The following CTNNA2 variants were observed in gnomAD, a reference collection of about 807,000 sequenced individuals.
CTNNA2 encodes catenin alpha 2, also known as catenin alpha-2.
In CTNNA2, 42 loss-of-function variants were observed where a neutral mutation model predicts 101.0. That is an observed-to-expected ratio of 0.42 (90% CI 0.32 to 0.54). CTNNA2 has a LOEUF of 0.54. CTNNA2 is among the 20% of genes least tolerant of loss of function. The pLI is 0.14. For missense variants in CTNNA2, 871 were observed against 1,223.1 expected, an observed-to-expected ratio of 0.71 and a Z score of 4.29; for synonymous variants, 450 against 456.4, an observed-to-expected ratio of 0.99 and a Z score of 0.18.
intron 2 of CTNNA2, among the ~76,000 whole-genome samples, chr2:79,309,062 T>C (rs1676309160): frequency 6.6e-6 from 1 of 152,148 alleles, no homozygotes; most frequent in Non-Finnish European, 1.5e-5. Context: ...TTTTGTATTC[T>C]CCAGACTGTT....
chr2:79,339,486 A>G (rs970000888), intron 3 of CTNNA2: 1 of 152,236 alleles, frequency 6.6e-6, no homozygotes, highest in African/African-American at 2.4e-5. Flanking sequence ...GTCAAAGTGA[A>G]TTCTTAAAAT....
chr2:79,654,509 G>A (rs1316949402), intron 2 of CTNNA2, among the ~76,000 whole-genome samples: 1 of 152,104 alleles, frequency 6.6e-6, no homozygotes, highest in Non-Finnish European at 1.5e-5. Context: ...AGCTTAAACT[G>A]TTATATTTCC....
chr2:80,383,856 A>G (rs1192049527), intron 7 of CTNNA2, among the ~76,000 whole-genome samples: 1 of 152,172 alleles, frequency 6.6e-6, no homozygotes, highest in East Asian at 1.9e-4. Context: ...TACCATAAAG[A>G]CACACGTACT....
chr2:80,503,640 A>G (rs1362425024), intron 9 of CTNNA2, among the ~76,000 whole-genome samples: 1 of 152,082 alleles, frequency 6.6e-6, no homozygotes, highest in African/African-American at 2.4e-5. Context: ...ATGGGCCTTT[A>G]TTATGGAGCT....
At chr2:80,518,768 G>C (rs1689296381) in intron 9 of CTNNA2, among the ~76,000 whole-genome samples, 1 of 151,806 alleles carries the variant, frequency 6.6e-6, no homozygotes, top group African/African-American at 2.4e-5. Context: ...GATTCCTGAA[G>C]GAATCTGTAA....
At chr2:79,222,278 T>C (rs941050884) in intron 2 of CTNNA2, among the ~76,000 whole-genome samples, 45 of 152,342 alleles carry the variant, frequency 3.0e-4, no homozygotes, top group Non-Finnish European at 1.3e-4. Flanking sequence ...AATAAACCAC[T>C]ACTGAGGGTC....
At chr2:79,580,099 C>G (rs1676057297) in intron 1 of CTNNA2, among the ~76,000 whole-genome samples, 1 of 152,082 alleles carries the variant, frequency 6.6e-6, no homozygotes, top group Non-Finnish European at 1.5e-5. Context: ...TTGTAGCAAC[C>G]CCATCTCTTG....
intron 1 of CTNNA2, among the ~76,000 whole-genome samples, chr2:79,617,727 G>A (rs1197130638): frequency 6.6e-6 from 1 of 152,048 alleles, no homozygotes; most frequent in Non-Finnish European, 1.5e-5. Context: ...GTAAAATCAT[G>A]AGGCTTTTCC....
intron 5 of CTNNA2, among the ~76,000 whole-genome samples, chr2:79,872,950 C>T (rs1558600091): frequency 1.3e-5 from 2 of 152,202 alleles, no homozygotes; most frequent in African/African-American, 2.4e-5. Flanking sequence ...TTCTTAACAA[C>T]AGCCTTTAAA....
rs563847068 is a variant in CTNNA2 at position 80,187,320 on chromosome 2, G to A, written c.1057-205891G>A. On this transcript the variant is annotated intron_variant, in intron 7 of 18. Coordinates refer to ENST00000402739, the MANE Select transcript of CTNNA2 (RefSeq NM_001282597.3). ...CCAGAAAATGGTGCTAATTTATAAC[G>A]TAGGAGGAGGGAGGTGAAGAAAGAT... Among the ~76,000 whole-genome samples, 18 of 152,306 alleles carry A rather than the reference G, an allele frequency of 1.2e-4. 1 individual carries two copies. The highest frequency in any genetic ancestry group is 7.7e-4 in the East Asian group (4 of 5,182).
intron 7 of CTNNA2, among the ~76,000 whole-genome samples, chr2:79,947,123 G>C (rs1688552086): frequency 6.6e-6 from 1 of 152,124 alleles, no homozygotes; most frequent in Non-Finnish European, 1.5e-5. Flanking sequence ...TACATAAGAA[G>C]AGATAACTTT....
At chr2:79,400,310 C>T (rs983733173) in intron 4 of CTNNA2, among the ~76,000 whole-genome samples, 7 of 151,874 alleles carry the variant, frequency 4.6e-5, no homozygotes, top group Admixed American at 6.6e-5. Flanking sequence ...TAGTAGCTAT[C>T]GTTTTTAGGA....
At chr2:79,269,466 A>AGACCCT (rs1675033470) in intron 2 of CTNNA2, among the ~76,000 whole-genome samples, 1 of 152,154 alleles carries the variant, frequency 6.6e-6, no homozygotes, top group Non-Finnish European at 1.5e-5. Context: ...AGTAAACTGC[A>AGACCCT]GACCCTCCAA....
chr2:79,935,383 T>G, intron 7 of CTNNA2, among the ~76,000 whole-genome samples: 1 of 151,456 alleles, frequency 6.6e-6, no homozygotes, highest in East Asian at 1.9e-4. Flanking sequence ...TATTTGGAAA[T>G]AATTTTAAAT....
chr2:79,833,057 C>T (rs1679046599), intron 3 of CTNNA2, among the ~76,000 whole-genome samples: 1 of 152,156 alleles, frequency 6.6e-6, no homozygotes, highest in South Asian at 2.1e-4. Flanking sequence ...TTAGGAGGCT[C>T]ACCAAATACA....
At chr2:80,321,846 A>G (rs1219375372) in intron 7 of CTNNA2, among the ~76,000 whole-genome samples, 3 of 152,198 alleles carry the variant, frequency 2.0e-5, no homozygotes, top group Non-Finnish European at 4.4e-5. Flanking sequence ...ATTTCTGCTA[A>G]CATGTTTTGC....
chr2:79,447,483 T>C (rs550333854), intron 4 of CTNNA2, among the ~76,000 whole-genome samples: 3 of 151,964 alleles, frequency 2.0e-5, no homozygotes, highest in Non-Finnish European at 4.4e-5. Context: ...ATGGAAAATA[T>C]ATGTGAAGGA....
intron 1 of CTNNA2, among the ~76,000 whole-genome samples, chr2:79,617,071 T>G (rs1678675148): frequency 6.6e-6 from 1 of 152,022 alleles, no homozygotes; most frequent in South Asian, 2.1e-4. Context: ...CCGGCTAATT[T>G]TTTTGTATTT....
chr2:79,406,597 G>A (rs565345651), intron 4 of CTNNA2, among the ~76,000 whole-genome samples: 4 of 152,008 alleles, frequency 2.6e-5, no homozygotes, highest in Non-Finnish European at 5.9e-5. Flanking sequence ...ATCAGTATCA[G>A]TTACTGATTA....
Sources: gnomAD v4.1 joint callset for allele counts (sites outside exome capture counted in the v4.1 genomes callset) on GRCh38, gnomAD v4.1.1 for gene constraint, MANE v1.5 for transcripts, NCBI Gene and HGNC (gene_info 2026-07-23, HGNC 2026-07-21) for gene names.